SNTG1: variants seen among roughly 807,000 people sequenced by gnomAD.
The protein encoded by SNTG1 is gamma-1-syntrophin.
In SNTG1, 39 loss-of-function variants were observed where a neutral mutation model predicts 74.7. The ratio of observed to expected loss-of-function variants is 0.52; its 90% CI spans 0.40 to 0.68. SNTG1 has a LOEUF of 0.68. Among genes scored for constraint, SNTG1 ranks in the 30% least tolerant of loss-of-function variants. The probability of loss-of-function intolerance (pLI) is 0.00; values close to 1 mark genes in which losing one functional copy is unlikely to be tolerated. For synonymous variants in SNTG1, 254 were observed against 217.1 expected (o/e 1.17, Z -1.49); for missense variants, 685 against 609.5 (o/e 1.12, Z -1.30).
intron 15 of SNTG1, among the ~76,000 whole-genome samples, chr8:50,665,237 G>A (rs1330673830): frequency 6.6e-6 from 1 of 152,046 alleles, no homozygotes; most frequent in Non-Finnish European, 1.5e-5. Flanking sequence ...AGGAGAAAGA[G>A]GGATTGATCA....
At chr8:50,788,364 C>G (rs1193270975) in intron 18 of SNTG1, among the ~76,000 whole-genome samples, 1 of 152,002 alleles carries the variant, frequency 6.6e-6, no homozygotes, top group African/African-American at 2.4e-5. Context: ...TTCTAAGAGA[C>G]TCACTTGAGT....
At chr8:50,350,766 G>C (rs1184360271) in intron 2 of SNTG1, among the ~76,000 whole-genome samples, 1 of 152,122 alleles carries the variant, frequency 6.6e-6, no homozygotes, top group Non-Finnish European at 1.5e-5. Flanking sequence ...ATCTAGCAGG[G>C]ATGTGAAGAA....
intron 1 of SNTG1, among the ~76,000 whole-genome samples, chr8:50,086,037 G>GA (rs58263106): frequency 7.1e-4 from 105 of 147,080 alleles, no homozygotes; most frequent in African/African-American, 1.6e-3. Context: ...CTGAGAGAAA[G>GA]AAAAAAAAAA....
At chr8:50,367,537 T>C (rs1433324210) in intron 2 of SNTG1, among the ~76,000 whole-genome samples, 1 of 152,210 alleles carries the variant, frequency 6.6e-6, no homozygotes, top group Non-Finnish European at 1.5e-5. Context: ...AGAATATTAC[T>C]ATTTTTGATA....
In SNTG1 at chr8:50,218,639, G is replaced by T. The variant is rs192538366; in HGVS notation, c.-28+46004G>T. Among the ~76,000 whole-genome samples the T allele has an allele frequency of 3.3e-5, 5 of 151,718 alleles. No individual in the cohort carries two copies. In the East Asian group the frequency reaches 7.8e-4, roughly 24 times the overall value. On this transcript the variant is annotated intron_variant, in intron 2 of 18. Transcript: ENST00000642720. ...TACTTTCTCATGATAATATGTTATG[G>T]TTATTGAAATTTTTAAAATACAGGA...
chr8:50,042,749 G>A (rs979587756), intron 1 of SNTG1, among the ~76,000 whole-genome samples: 15 of 151,208 alleles, frequency 9.9e-5, no homozygotes, highest in African/African-American at 3.6e-4. Flanking sequence ...TTTTGGTAGA[G>A]GTAAGGTCTT....
intron 2 of SNTG1, among the ~76,000 whole-genome samples, chr8:50,284,781 G>T (rs1277871303): frequency 1.3e-5 from 2 of 152,016 alleles, no homozygotes; most frequent in East Asian, 3.9e-4. Context: ...AGATGGTAAA[G>T]ATGTTAATTA....
intron 5 of SNTG1, among the ~76,000 whole-genome samples, chr8:50,444,764 A>AAAAAAG (rs71233494): frequency 0.034 from 4,741 of 140,178 alleles, 311 homozygotes; most frequent in African/African-American, 0.087. Flanking sequence ...AAAAAAAAAA[A>AAAAAAG]AAAGAAAGAG....
chr8:50,340,832 T>C (rs1310712452), intron 2 of SNTG1, among the ~76,000 whole-genome samples: 1 of 151,990 alleles, frequency 6.6e-6, no homozygotes, highest in Non-Finnish European at 1.5e-5. Flanking sequence ...TGTTTTTGTC[T>C]GTACATTATC....
chr8:50,684,835 C>T (rs2095345609), intron 15 of SNTG1, among the ~76,000 whole-genome samples: 1 of 150,666 alleles, frequency 6.6e-6, no homozygotes, highest in African/African-American at 2.4e-5. Flanking sequence ...GCGCTGCACC[C>T]ACTAACTCGT....
chr8:50,658,498 G>GT (rs1344753730), intron 14 of SNTG1, 94 bp from the exon 15 acceptor site: 14 of 847,114 alleles, frequency 1.7e-5, no homozygotes, highest in East Asian at 2.9e-5. Context: ...ATCTGTGAAA[G>GT]TTTTTTCTTA....
intron 2 of SNTG1, among the ~76,000 whole-genome samples, chr8:50,244,311 A>T (rs1263484561): frequency 6.6e-6 from 1 of 152,146 alleles, no homozygotes; most frequent in African/African-American, 2.4e-5. Flanking sequence ...TCAACATGAG[A>T]TTTAAGAGGT....
chr8:50,620,206 C>T (rs1194741463), intron 13 of SNTG1, among the ~76,000 whole-genome samples: 1 of 152,164 alleles, frequency 6.6e-6, no homozygotes, highest in Non-Finnish European at 1.5e-5. Flanking sequence ...CATTCCAAGA[C>T]TCTCCAGGTT....
intron 18 of SNTG1, among the ~76,000 whole-genome samples, chr8:50,779,254 C>G (rs1279009713): frequency 2.0e-5 from 3 of 152,096 alleles, no homozygotes; most frequent in African/African-American, 4.8e-5. Flanking sequence ...TCATTGGTAG[C>G]TTGATGGGGA....
intron 12 of SNTG1, among the ~76,000 whole-genome samples, chr8:50,584,166 C>A (rs565609102): frequency 2.6e-5 from 4 of 152,128 alleles, no homozygotes; most frequent in Non-Finnish European, 5.9e-5. Flanking sequence ...TTAATCCAGT[C>A]TATCATTGAT....
intron 12 of SNTG1, among the ~76,000 whole-genome samples, chr8:50,554,179 A>T (rs1156561559): frequency 6.6e-6 from 1 of 152,178 alleles, no homozygotes; most frequent in Non-Finnish European, 1.5e-5. Flanking sequence ...ACCACTAGCC[A>T]ATAAAGGCAA....
At chr8:50,056,980 T>C (rs1216381834) in intron 1 of SNTG1, among the ~76,000 whole-genome samples, 2 of 152,180 alleles carry the variant, frequency 1.3e-5, no homozygotes, top group African/African-American at 2.4e-5. Flanking sequence ...ATTTAACTTA[T>C]AATTTATTAT....
chr8:50,567,610 G>C lies in SNTG1; in HGVS notation c.810+14431G>C, dbSNP rs192878418. Among the ~76,000 whole-genome samples the C allele has an allele frequency of 3.8e-4, 58 of 152,070 alleles. 1 individual carries two copies. In the East Asian group the frequency reaches 6.2e-3, roughly 16 times the overall value. ...ACTGTTGTTTTTCCCCACCTGACAAGAATTCTAGATGGTAGCATTTGCTAA... is the reference window on the plus strand; with the variant it reads ...ACTGTTGTTTTTCCCCACCTGACAACAATTCTAGATGGTAGCATTTGCTAA... On this transcript the variant is annotated intron_variant, in intron 12 of 18. Coordinates refer to ENST00000642720, the MANE Select transcript of SNTG1 (RefSeq NM_018967.5).
At chr8:50,762,556 C>A in intron 18 of SNTG1, 1 of 372,366 alleles carries the variant, frequency 2.7e-6, no homozygotes, top group South Asian at 2.3e-5. Flanking sequence ...AGGCAAAGAT[C>A]ATTTTTGTTC....
Sources: allele counts gnomAD v4.1 joint callset (sites outside exome capture counted in the v4.1 genomes callset), GRCh38; gene constraint gnomAD v4.1.1; transcripts MANE v1.5; gene names NCBI Gene and HGNC (gene_info 2026-07-23, HGNC 2026-07-21).